Variants in PRKN observed in about 807,000 individuals in gnomAD.
PRKN encodes E3 ubiquitin-protein ligase parkin.
In PRKN, 56 loss-of-function variants were observed where a neutral mutation model predicts 59.5. The observed-to-expected ratio is 0.94, with a 90% CI of 0.76 to 1.18. The LOEUF is 1.18. Among genes scored for constraint, PRKN ranks in the 50% most tolerant of loss-of-function variants. PRKN has a pLI of 0.00. For missense variants in PRKN, 657 were observed against 596.4 expected, an observed-to-expected ratio of 1.10 and a Z score of -1.06; for synonymous variants, 250 against 222.1, an observed-to-expected ratio of 1.13 and a Z score of -1.12.
chr6:162,008,258 T>G (rs985389397), intron 5 of PRKN, among the ~76,000 whole-genome samples: 5 of 152,158 alleles, frequency 3.3e-5, no homozygotes, highest in African/African-American at 9.7e-5. Flanking sequence ...CGGAGACGTG[T>G]GCTTGGAGGC....
At chr6:161,774,588 G>A (rs1468729800) in intron 7 of PRKN, among the ~76,000 whole-genome samples, 3 of 152,268 alleles carry the variant, frequency 2.0e-5, no homozygotes, top group Admixed American at 6.5e-5. Context: ...GAAGAGGATC[G>A]AGCTGAGACA....
intron 2 of PRKN, among the ~76,000 whole-genome samples, chr6:162,348,753 T>C (rs2128130413): frequency 6.6e-6 from 1 of 152,190 alleles, no homozygotes; most frequent in African/African-American, 2.4e-5. Flanking sequence ...AAATTTGGTC[T>C]ACAGACTGTA....
At chr6:161,737,549 A>G (rs1186809347) in intron 7 of PRKN, among the ~76,000 whole-genome samples, 1 of 152,218 alleles carries the variant, frequency 6.6e-6, no homozygotes, top group Admixed American at 6.5e-5. Context: ...ATGGCATTCA[A>G]TGCTGTATGT....
chr6:162,008,917 T>C (rs1240976488), intron 5 of PRKN, among the ~76,000 whole-genome samples: 2 of 151,944 alleles, frequency 1.3e-5, no homozygotes, highest in East Asian at 3.9e-4. Context: ...GTAAGAGTTA[T>C]GTGGGTTCAG....
At position 161,444,788 on chromosome 6, in the gene PRKN, G is replaced by A. The variant is rs142796882; in HGVS notation, c.1084-57911C>T. ...TGTACGGACAGAATCTTTACATGTC[G>A]TTTATTTTGCATTTCAAATGCTTTG... On this transcript the variant is annotated intron_variant, in intron 9 of 11. Coordinates refer to ENST00000366898, the MANE Select transcript of PRKN (RefSeq NM_004562.3). This position sits in a 1 kb window ranked among gnomAD's most constrained non-coding sequence, Gnocchi z 5.6. 1.1e-3 allele frequency among the ~76,000 whole-genome samples: 169 copies of A among 152,272 alleles called. No individual in the cohort carries two copies. The highest frequency in any genetic ancestry group is 3.7e-3 in the African/African-American group (154 of 41,564).
chr6:161,760,321 G>C (rs574998267), intron 7 of PRKN, among the ~76,000 whole-genome samples: 1 of 148,452 alleles, frequency 6.7e-6, no homozygotes, highest in African/African-American at 2.5e-5. Context: ...GGGTATCTGC[G>C]TCCTGGAATT....
intron 6 of PRKN, among the ~76,000 whole-genome samples, chr6:161,899,066 G>T (rs770118509): frequency 6.6e-6 from 1 of 152,218 alleles, no homozygotes. Flanking sequence ...AGCAGCCCTT[G>T]GCTGCCTTCA....
chr6:161,928,335 G>T (rs1236434601), intron 6 of PRKN, among the ~76,000 whole-genome samples: 1 of 152,138 alleles, frequency 6.6e-6, no homozygotes. Flanking sequence ...ATTTATGATG[G>T]TTAAAAATAC....
intron 4 of PRKN, among the ~76,000 whole-genome samples, chr6:162,191,905 C>G (rs1328269053): frequency 6.6e-6 from 1 of 152,152 alleles, no homozygotes; most frequent in Non-Finnish European, 1.5e-5. Flanking sequence ...CAAGAATGTC[C>G]TGATGGGTTT....
At chr6:161,739,502 A>C (rs962729857) in intron 7 of PRKN, among the ~76,000 whole-genome samples, 1 of 152,182 alleles carries the variant, frequency 6.6e-6, no homozygotes, top group Non-Finnish European at 1.5e-5. Context: ...GCAATATAAA[A>C]ACTGAAGAGG....
intron 2 of PRKN, among the ~76,000 whole-genome samples, chr6:162,353,692 A>G (rs1220085652): frequency 2.6e-5 from 4 of 152,130 alleles, no homozygotes; most frequent in South Asian, 4.1e-4. Flanking sequence ...GATATAATAG[A>G]AAGAGTCCAG....
chr6:161,705,717 C>T (rs1212135832), intron 7 of PRKN, among the ~76,000 whole-genome samples: 2 of 152,098 alleles, frequency 1.3e-5, no homozygotes, highest in South Asian at 2.1e-4. Flanking sequence ...CTAACTATAC[C>T]GTACCAAGCT....
At chr6:162,695,576 T>C (rs187153868) in intron 1 of PRKN, among the ~76,000 whole-genome samples, 16 of 152,306 alleles carry the variant, frequency 1.1e-4, no homozygotes, top group Admixed American at 9.2e-4. Flanking sequence ...CATTCATTTT[T>C]AAAAAACTCT....
chr6:162,621,062 C>T (rs959998129), intron 1 of PRKN, among the ~76,000 whole-genome samples: 2 of 150,550 alleles, frequency 1.3e-5, no homozygotes, highest in South Asian at 4.2e-4. Context: ...AAGCTTGTGG[C>T]ATCTTCTTTA....
rs558978230 is a variant in PRKN, at chr6:162,415,529, A to C, written c.171+27781T>G. Among the ~76,000 whole-genome samples, 5 of 152,248 alleles carry C rather than the reference A, an allele frequency of 3.3e-5. No individual in the cohort carries two copies. The South Asian group carries it at 1.0e-3, about 32-fold the overall frequency. Reference sequence around the variant, plus strand: ...GATATGTGATTAAGAGGTAATTAAGAAGTTAAGAAGGCCAGGCTCATGGCT... The same window carrying C: ...GATATGTGATTAAGAGGTAATTAAGCAGTTAAGAAGGCCAGGCTCATGGCT... On this transcript the variant is annotated intron_variant, in intron 2 of 11. Coordinates refer to ENST00000366898, the MANE Select transcript of PRKN (RefSeq NM_004562.3).
chr6:162,371,849 T>G (rs879284786), intron 2 of PRKN, among the ~76,000 whole-genome samples: 19 of 152,206 alleles, frequency 1.2e-4, no homozygotes, highest in Non-Finnish European at 1.9e-4. Flanking sequence ...CTTCTCCGCC[T>G]TCCTCAAACA....
intron 8 of PRKN, among the ~76,000 whole-genome samples, chr6:161,559,395 G>C (rs1393907349): frequency 1.3e-5 from 2 of 152,224 alleles, no homozygotes; most frequent in Non-Finnish European, 2.9e-5. Context: ...AGCGTCTCCT[G>C]ATGGAGCGCA....
chr6:162,352,898 T>C (rs745636405), intron 2 of PRKN, among the ~76,000 whole-genome samples: 2 of 152,156 alleles, frequency 1.3e-5, no homozygotes, highest in Non-Finnish European at 2.9e-5. Context: ...AAACTTTAAG[T>C]AGATAAGATG....
intron 2 of PRKN, chr6:162,269,864 A>G (rs1310918530): frequency 1.3e-5 from 2 of 152,184 alleles, no homozygotes; most frequent in Non-Finnish European, 2.9e-5. Flanking sequence ...AAAAAATCGA[A>G]AACAGTAGAT....
Sources: allele counts gnomAD v4.1 joint callset (sites outside exome capture counted in the v4.1 genomes callset), GRCh38; gene constraint gnomAD v4.1.1; non-coding constraint Gnocchi (gnomAD v3.1); transcripts MANE v1.5; gene names NCBI Gene and HGNC (gene_info 2026-07-23, HGNC 2026-07-21).